Variants in TOPORS observed in about 807,000 individuals in gnomAD.
The protein encoded by TOPORS is E3 ubiquitin-protein ligase Topors.
Under a neutral mutation model 81.4 loss-of-function variants are expected in TOPORS, and 25 were observed. The observed-to-expected ratio is 0.31, with a 90% CI of 0.22 to 0.43. TOPORS has a LOEUF of 0.43. Among genes scored for constraint, TOPORS ranks in the 20% least tolerant of loss-of-function variants. The probability of loss-of-function intolerance (pLI) is 1.00; values close to 1 mark genes in which losing one functional copy is unlikely to be tolerated. For synonymous variants in TOPORS, 473 were observed against 456.6 expected (o/e 1.04, Z -0.46); for missense variants, 1,101 against 1,267.0 (o/e 0.87, Z 1.99).
rs538567994 is a variant in TOPORS at position 32,542,918 on chromosome 9, T to G, written c.1607A>C (p.His536Pro). 6.2e-7 allele frequency: 1 copy of G among 1,614,040 alleles called. No individual in the cohort carries two copies. Among genetic ancestry groups the G allele is most frequent in the African/African-American group, 1.3e-5 (1 of 75,000 alleles). ...TTGTTCATCCTTTCCAAGGACAGAG[T>G]GTGGAGATGAGCATCTACTAACATC... ...DSDVSRCSSP[H>P]SVLGKDEQIN... is the part of the protein sequence containing the mutation. Residue 536 changes from histidine (H) to proline (P), a missense_variant, in exon 3 of 3, where the codon CAC (histidine) becomes CCC (proline). His to Pro is a moderately conservative substitution (Grantham distance 77). Coordinates refer to ENST00000360538, the MANE Select transcript of TOPORS (RefSeq NM_005802.5).
chr9:32,551,096 C>T (rs1350800542), intron 1 of TOPORS, 128 bp from the exon 2 acceptor site: 1 of 1,184,728 alleles, frequency 8.4e-7, no homozygotes, highest in South Asian at 1.3e-5. Context: ...AGATGGACGC[C>T]GGCCTCGGGG....
At position 32,543,702 on chromosome 9, in the gene TOPORS, C is replaced by A; in HGVS notation, c.823G>T (p.Gly275Cys). ...GCTGAAATATCCCTGTAGCGGCCAC[C>A]ATCTTCAATATTTCTAACTCGAGCA... ...AGARVRNIEDGGRYRDISAEF... is the reference protein window; with the variant it reads ...AGARVRNIEDCGRYRDISAEF... Residue 275 changes from glycine to cysteine, a missense_variant, in exon 3 of 3, where the codon GGT (glycine) becomes TGT (cysteine). Gly to Cys is a radical substitution (Grantham distance 159). Around this residue, in one of 9 missense-constraint regions of TOPORS, gnomAD observed 69 missense variants for 153.6 expected, o/e 0.45. Transcript: ENST00000360538. This position sits in a 1 kb window ranked among gnomAD's most constrained non-coding sequence, Gnocchi z 5.6. 2 of 1,613,026 alleles carry A rather than the reference C, an allele frequency of 1.2e-6. No homozygotes were observed. Among genetic ancestry groups the A allele is most frequent in the Non-Finnish European group, 1.7e-6 (2 of 1,179,640 alleles).
At chr9:32,551,837 G>A (rs1821273459) in intron 1 of TOPORS, 1 of 450,164 alleles carries the variant, frequency 2.2e-6, no homozygotes, top group Non-Finnish European at 4.5e-6. Context: ...TCTTCTTAGA[G>A]ATATACATTA....
Position 32,544,267 on chromosome 9 carries a change from A to T in TOPORS, c.258T>A (p.Thr86=), listed in dbSNP as rs554504416. The change falls in exon 3 of 3, where the codon ACT becomes ACA. Residue 86 remains threonine, a synonymous_variant. Transcript: ENST00000360538. The stretch of plus-strand genomic sequence containing the variant: ...CTGGTACTGTCTGTTGCAATTTGCT[A>T]GTGCCAGCTTTAGGTGAAAAGTTGT... The part of the protein sequence containing the change: ...KMDNFSPKAG[T]SKLQQTVPAD... 1 of 1,607,002 alleles carries T rather than the reference A, an allele frequency of 6.2e-7. No individual in the cohort carries two copies. The highest frequency in any genetic ancestry group is 2.2e-5 in the East Asian group (1 of 44,878).
At chr9:32,548,129 C>T (rs1821166297) in intron 2 of TOPORS, among the ~76,000 whole-genome samples, 1 of 149,590 alleles carries the variant, frequency 6.7e-6, no homozygotes, top group Non-Finnish European at 1.5e-5. Flanking sequence ...GGATTACAGG[C>T]GTAAGCCACC....
intron 2 of TOPORS, among the ~76,000 whole-genome samples, chr9:32,544,703 A>T (rs1821119295): frequency 6.6e-6 from 1 of 152,188 alleles, no homozygotes; most frequent in Non-Finnish European, 1.5e-5. Flanking sequence ...ATATTATGTA[A>T]CATTCTATTA....
intron 2 of TOPORS, among the ~76,000 whole-genome samples, 190 bp downstream of exon 2, chr9:32,550,584 C>A (rs536777635): frequency 9.2e-5 from 14 of 152,270 alleles, no homozygotes; most frequent in African/African-American, 3.4e-4. Context: ...GCGCAACCCT[C>A]GCCTGCCCGC....
chr9:32,541,098 C>A lies in TOPORS; in HGVS notation c.*289G>T. The A allele has an allele frequency of 4.0e-6, 1 of 252,120 alleles. No homozygotes were observed. Among genetic ancestry groups the A allele is most frequent in the South Asian group, 6.1e-5 (1 of 16,374 alleles). The allele number at this position is 252,120 out of a possible 1,614,324, so 15.6% of individuals were successfully genotyped here. A position where few individuals can be genotyped will look rare whatever the true frequency, so the allele number is the denominator to read the frequency against. On this transcript the variant is annotated 3_prime_UTR_variant, in exon 3 of 3. Transcript: ENST00000360538. Reference sequence around the variant, plus strand: ...AATACCGTATGGCTTTATGAAATAACTTCTAAAATTTATATAATTTTTCTT... The same window carrying A: ...AATACCGTATGGCTTTATGAAATAAATTCTAAAATTTATATAATTTTTCTT...
At chr9:32,550,718 G>A in intron 2 of TOPORS, 56 bp downstream of exon 2, 1 of 1,593,882 alleles carries the variant, frequency 6.3e-7, no homozygotes, top group East Asian at 2.2e-5. Flanking sequence ...AGGCGGGAGC[G>A]CCAACTCCCA....
At chr9:32,552,290 A>C (rs1467529028) in intron 1 of TOPORS, 144 bp downstream of exon 1, 1 of 1,229,772 alleles carries the variant, frequency 8.1e-7, no homozygotes, top group Non-Finnish European at 1.2e-6. Context: ...GGAAGAGGCC[A>C]GCGACAGCGC....
chr9:32,550,088 A>G (rs1821206220), intron 2 of TOPORS, among the ~76,000 whole-genome samples: 1 of 152,216 alleles, frequency 6.6e-6, no homozygotes, highest in Admixed American at 6.5e-5. Context: ...AATCTTGGGC[A>G]GCTGTTTCTT....
chr9:32,547,089 C>T (rs1224844555), intron 2 of TOPORS, among the ~76,000 whole-genome samples: 1 of 152,148 alleles, frequency 6.6e-6, no homozygotes, highest in African/African-American at 2.4e-5. Flanking sequence ...ATCAAAGAGG[C>T]GGGGCACGGT....
intron 1 of TOPORS, 50 bp downstream of exon 1, chr9:32,552,384 T>TA (rs1191824659): frequency 6.2e-7 from 1 of 1,605,038 alleles, no homozygotes; most frequent in African/African-American, 1.3e-5. Context: ...GAGGTTACTG[T>TA]AAGGCCCGCA....
chr9:32,552,516 C>G lies in TOPORS; in HGVS notation c.-80G>C. On this transcript the variant is annotated 5_prime_UTR_variant, in exon 1 of 3. Transcript: ENST00000360538. The stretch of plus-strand genomic sequence containing the variant: ...GGATCGCGGGCCCCCACCGTGTCGA[C>G]TCACTGGGCCCGCAGGCGGAAAGGC... 1.3e-6 allele frequency: 2 copies of G among 1,558,240 alleles called. No individual in the cohort carries two copies. The highest frequency in any genetic ancestry group is 1.7e-6 in the Non-Finnish European group (2 of 1,147,112).
At position 32,541,146 on chromosome 9, in the gene TOPORS, T is replaced by G; in HGVS notation, c.*241A>C. On this transcript the variant is annotated 3_prime_UTR_variant, in exon 3 of 3. Coordinates refer to ENST00000360538, the MANE Select transcript of TOPORS (RefSeq NM_005802.5). Reference sequence around the variant, plus strand: ...CTTATTTAAAAAGGACCCCAAGTTTTAAATAAGCTGCTAGCAGTATCATTT... The same window carrying G: ...CTTATTTAAAAAGGACCCCAAGTTTGAAATAAGCTGCTAGCAGTATCATTT... 1 of 353,718 alleles carries G rather than the reference T, an allele frequency of 2.8e-6. No homozygotes were observed. The highest frequency in any genetic ancestry group is 4.2e-5 in the Admixed American group (1 of 23,670). 21.9% of individuals were successfully genotyped at this position (353,718 alleles called of 1,614,324 possible). A position where few individuals can be genotyped will look rare whatever the true frequency, so the allele number is the denominator to read the frequency against.
rs901948236 is a variant in TOPORS, at chr9:32,541,209, T to C, written c.*178A>G. 3.3e-5 allele frequency: 21 copies of C among 631,432 alleles called. No homozygotes were observed. Among genetic ancestry groups the C allele is most frequent in the African/African-American group, 3.3e-4 (18 of 54,526 alleles). The allele number at this position is 631,432 out of a possible 1,614,324, so 39.1% of individuals were successfully genotyped here. On this transcript the variant is annotated 3_prime_UTR_variant, in exon 3 of 3. Coordinates refer to ENST00000360538, the MANE Select transcript of TOPORS (RefSeq NM_005802.5). ...AGTGCATATCTTTGAGGGTGGGACA[T>C]ACATTTTGAACAAATAATGATTTTT... is the stretch of plus-strand genomic sequence containing the variant.
chr9:32,543,314 A>T lies in TOPORS; in HGVS notation c.1211T>A (p.Leu404Gln). ...ISPDEAETQE[L>Q]DINVATVSQA... ...ACTAACAGTGGCTACATTAATATCC[A>T]GCTCTTGGGTCTCAGCCTCATCTGG... The change falls in exon 3 of 3, where the codon CTG becomes CAG. Residue 404 changes from leucine to glutamine, a missense_variant. By Grantham distance (113) the Leu-to-Gln change is moderately radical. Around this residue, in one of 9 missense-constraint regions of TOPORS, gnomAD observed 103 missense variants for 112.1 expected, o/e 0.92. Coordinates refer to ENST00000360538, the MANE Select transcript of TOPORS (RefSeq NM_005802.5). This position sits in a 1 kb window ranked among gnomAD's most constrained non-coding sequence, Gnocchi z 5.6. 1 of 1,614,066 alleles carries T rather than the reference A, an allele frequency of 6.2e-7. No individual in the cohort carries two copies. Among genetic ancestry groups the T allele is most frequent in the Non-Finnish European group, 8.5e-7 (1 of 1,180,022 alleles).
rs779753179 is a variant in TOPORS, at chr9:32,541,475, G to C, written c.3050C>G (p.Ser1017Cys). 7.4e-6 allele frequency: 12 copies of C among 1,614,202 alleles called. No homozygotes were observed. In the South Asian group the frequency reaches 1.3e-4, roughly 18 times the overall value. ...DLENQPSNIV[S>C]LQTEPSRQLP... Reference sequence around the variant, plus strand: ...TTGCCTTGATGGCTCAGTTTGAAGAGACACAATGTTACTGGGCTGGTTCTC... The same window carrying C: ...TTGCCTTGATGGCTCAGTTTGAAGACACACAATGTTACTGGGCTGGTTCTC... The change falls in exon 3 of 3, where the codon TCT becomes TGT. Residue 1017 changes from serine to cysteine, a missense_variant. Physicochemically the swap from Ser to Cys is moderately radical, Grantham distance 112. Transcript: ENST00000360538.
chr9:32,550,637 C>A (rs1051004586), intron 2 of TOPORS, 137 bp downstream of exon 2: 18 of 962,324 alleles, frequency 1.9e-5, no homozygotes, highest in Non-Finnish European at 2.6e-5. Flanking sequence ...GGGGCCCTGG[C>A]CCTGGCCCGC....
Sources: gnomAD v4.1 joint callset for allele counts (sites outside exome capture counted in the v4.1 genomes callset) on GRCh38, gnomAD v4.1.1 for gene constraint, gnomAD v4.1.1 regional missense constraint, Gnocchi (gnomAD v3.1) non-coding constraint, MANE v1.5 for transcripts, NCBI Gene and HGNC (gene_info 2026-07-23, HGNC 2026-07-21) for gene names.